Variants in PCSK5 observed in about 807,000 individuals in gnomAD.
PCSK5 encodes the protein proprotein convertase subtilisin/kexin type 5.
In PCSK5, 129 loss-of-function variants were observed where a neutral mutation model predicts 233.2. The observed-to-expected ratio is 0.55, with a 90% confidence interval of 0.48 to 0.64. PCSK5 has a LOEUF of 0.64. Ranked by LOEUF, PCSK5 falls within the 30% of genes least tolerant of loss-of-function variation. The pLI, the probability that PCSK5 is intolerant of heterozygous loss-of-function variation, is 0.00. For synonymous variants in PCSK5, 825 were observed against 879.2 expected (o/e 0.94, Z 1.09); for missense variants, 2,076 against 2,430.1 (o/e 0.85, Z 3.06).
chr9:76,086,298 T>C (rs144120904), intron 7 of PCSK5, among the ~76,000 whole-genome samples: 55 of 152,300 alleles, frequency 3.6e-4, no homozygotes, highest in African/African-American at 1.2e-3. Flanking sequence ...GCATATGAAA[T>C]ATACATTTAT....
intron 2 of PCSK5, among the ~76,000 whole-genome samples, chr9:75,971,175 A>C (rs1036910436): frequency 6.6e-6 from 1 of 151,664 alleles, no homozygotes; most frequent in Non-Finnish European, 1.5e-5. Flanking sequence ...ATAAGTGAGA[A>C]ATGCAGTGTT....
At chr9:76,117,074 T>A (rs1832453642) in intron 9 of PCSK5, among the ~76,000 whole-genome samples, 1 of 152,124 alleles carries the variant, frequency 6.6e-6, no homozygotes, top group South Asian at 2.1e-4. Flanking sequence ...TTCCTTATTT[T>A]GAAACAAACT....
chr9:75,905,208 T>C (rs913847539), intron 1 of PCSK5, among the ~76,000 whole-genome samples: 1 of 152,050 alleles, frequency 6.6e-6, no homozygotes, highest in South Asian at 2.1e-4. Flanking sequence ...GGTGATGAAA[T>C]GTTCTAAAAT....
At chr9:75,948,972 A>C (rs938994027) in intron 2 of PCSK5, among the ~76,000 whole-genome samples, 2 of 151,850 alleles carry the variant, frequency 1.3e-5, no homozygotes, top group Non-Finnish European at 2.9e-5. Context: ...TATCTTATCA[A>C]ATCTAAAATC....
At position 75,932,470 on chromosome 9, in the gene PCSK5, C is replaced by A; in HGVS notation, c.284C>A (p.Ser95Ter). 1 of 1,599,200 alleles carries A rather than the reference C, an allele frequency of 6.3e-7. No homozygotes were observed. Among genetic ancestry groups the A allele is most frequent in the Non-Finnish European group, 8.6e-7 (1 of 1,166,372 alleles). ...ISSRGTHSFI[S>*]MEPKVEWIQQ... The stretch of plus-strand genomic sequence containing the variant: ...AGCAGAGGGACCCACAGTTTCATTT[C>A]AATGGAACCAAAGGTAAGAAGAACC... The change falls in exon 2 of 38, where the codon TCA (serine) becomes TAA (stop). Residue 95 changes from serine to a stop codon, truncating the protein, a stop_gained. Coordinates refer to ENST00000674117, the MANE Select transcript of PCSK5 (RefSeq NM_001372043.1). LOFTEE classifies it high-confidence loss of function.
chr9:76,156,889 C>T (rs187521111), intron 10 of PCSK5, among the ~76,000 whole-genome samples, 156 bp from the exon 11 acceptor site: 1 of 152,286 alleles, frequency 6.6e-6, no homozygotes, highest in East Asian at 1.9e-4. Flanking sequence ...ATTTTCTTGA[C>T]ATGACTATGT....
chr9:76,138,346 T>C (rs1250012319), intron 10 of PCSK5, among the ~76,000 whole-genome samples: 1 of 152,136 alleles, frequency 6.6e-6, no homozygotes, highest in Non-Finnish European at 1.5e-5. Context: ...GCATCTGCTA[T>C]AGAGAATATC....
chr9:75,963,365 G>A (rs900303345), intron 2 of PCSK5, among the ~76,000 whole-genome samples: 1 of 152,164 alleles, frequency 6.6e-6, no homozygotes, highest in African/African-American at 2.4e-5. Flanking sequence ...GAAAATCTAA[G>A]GAACTTTTGT....
chr9:76,229,867 G>A (rs1826018372), intron 21 of PCSK5, among the ~76,000 whole-genome samples: 1 of 152,098 alleles, frequency 6.6e-6, no homozygotes, highest in African/African-American at 2.4e-5. Flanking sequence ...GCCCTGTTTG[G>A]TCTGGAATGG....
At chr9:76,026,657 C>T (rs1003855952) in intron 4 of PCSK5, among the ~76,000 whole-genome samples, 13 of 152,024 alleles carry the variant, frequency 8.6e-5, no homozygotes, top group South Asian at 2.1e-4. Flanking sequence ...GAAAGATATA[C>T]GTTTCATGAA....
rs145767964 is a variant in PCSK5, at chr9:76,349,812, A to G, written c.4967-1016A>G. ...GATAGATTTAGGTCTCCGGTCCCCA[A>G]ACTTTCCAGAAGTTATTCCTTGATA... On this transcript the variant is annotated intron_variant, in intron 35 of 37. Transcript: ENST00000674117. Among the ~76,000 whole-genome samples the G allele has an allele frequency of 5.9e-5, 9 of 152,334 alleles. No individual in the cohort carries two copies. The East Asian group carries it at 1.7e-3, about 29-fold the overall frequency.
intron 20 of PCSK5, among the ~76,000 whole-genome samples, chr9:76,207,230 T>C (rs796666554): frequency 2.0e-5 from 3 of 152,232 alleles, no homozygotes; most frequent in South Asian, 4.1e-4. Flanking sequence ...TCCCTTTTGC[T>C]GTACAAGGTA....
In PCSK5 at chr9:76,021,348, AGTGTGT is replaced by A. The variant is rs915391813; in HGVS notation, c.412-2384_412-2379del. On this transcript the variant is annotated intron_variant, in intron 3 of 37. Coordinates refer to ENST00000674117, the MANE Select transcript of PCSK5 (RefSeq NM_001372043.1). ...GGGAGAGACACAGAGAGAGAGAGAA[AGTGTGT>A]GTGTGGGTGTGGGTTGGGGGGTGTA... 1.7e-4 allele frequency among the ~76,000 whole-genome samples: 22 copies of A among 126,346 alleles called. 1 individual carries two copies. The highest frequency in any genetic ancestry group is 3.6e-4 in the Non-Finnish European group (22 of 60,862). 82.9% of individuals were successfully genotyped at this position (126,346 alleles called of 152,430 possible).
intron 3 of PCSK5, 30 bp downstream of exon 3, chr9:75,986,275 G>A (rs770552358): frequency 1.5e-6 from 2 of 1,298,074 alleles, no homozygotes; most frequent in African/African-American, 1.5e-5. Context: ...CTGGCCTAGG[G>A]CCATGTCATC....
At chr9:75,934,242 C>T (rs1662741581) in intron 2 of PCSK5, among the ~76,000 whole-genome samples, 1 of 152,176 alleles carries the variant, frequency 6.6e-6, no homozygotes, top group South Asian at 2.1e-4. Context: ...CAGAGTAGAG[C>T]CACAACTTAC....
intron 5 of PCSK5, among the ~76,000 whole-genome samples, chr9:76,038,304 T>G (rs1828949882): frequency 6.6e-6 from 1 of 152,208 alleles, no homozygotes; most frequent in Admixed American, 6.5e-5. Context: ...AGTATTATGT[T>G]GTTATTCCGC....
At chr9:76,156,963 G>C (rs760375031) in intron 10 of PCSK5, 82 bp from the exon 11 acceptor site, 1 of 848,228 alleles carries the variant, frequency 1.2e-6, no homozygotes, top group African/African-American at 1.7e-5. Flanking sequence ...CCCATAGGGT[G>C]GTGTCTGGGG....
chr9:76,007,834 G>GTGTGTA, intron 3 of PCSK5, among the ~76,000 whole-genome samples: 1 of 149,476 alleles, frequency 6.7e-6, no homozygotes, highest in South Asian at 2.1e-4. Context: ...GTGTGTGTGT[G>GTGTGTA]TGTGTGTATT....
chr9:76,211,927 C>T (rs1825343269), intron 20 of PCSK5, among the ~76,000 whole-genome samples: 1 of 152,190 alleles, frequency 6.6e-6, no homozygotes, highest in Non-Finnish European at 1.5e-5. Context: ...CTGCACCCGC[C>T]ATGAGCATTC....
Sources: gnomAD v4.1 joint callset for allele counts (sites outside exome capture counted in the v4.1 genomes callset) on GRCh38, gnomAD v4.1.1 for gene constraint, MANE v1.5 for transcripts, NCBI Gene and HGNC (gene_info 2026-07-23, HGNC 2026-07-21) for gene names.